LARGE2: variants seen among roughly 807,000 people sequenced by gnomAD.
LARGE2 encodes the protein xylosyl- and glucuronyltransferase LARGE2.
LARGE2 carries 63 observed loss-of-function variants against 75.3 expected under a neutral mutation model. The ratio of observed to expected loss-of-function variants is 0.84; its 90% confidence interval spans 0.68 to 1.03. LARGE2 has a LOEUF of 1.03. LARGE2 is among the 50% of genes least tolerant of loss of function. The probability of loss-of-function intolerance (pLI) is 0.00; values close to 1 mark genes in which losing one functional copy is unlikely to be tolerated. For missense variants in LARGE2, 925 were observed against 980.6 expected (o/e 0.94, Z 0.76); for synonymous variants, 428 against 420.1 (o/e 1.02, Z -0.23).
rs2087144337 is a variant in LARGE2, at chr11:45,926,334, C to T, written c.995C>T (p.Ala332Val). The T allele has an allele frequency of 1.9e-6, 3 of 1,614,144 alleles. No homozygotes were observed. The highest frequency in any genetic ancestry group is 2.2e-5 in the East Asian group (1 of 44,878). Residue 332 changes from alanine (A) to valine (V), a missense_variant, in exon 8 of 14, where the codon GCG becomes GTG. Ala to Val is a moderately conservative substitution (Grantham distance 64). Transcript: ENST00000401752. ...HTLAERCYSE[A>V]SDLKVIHWNS... Reference sequence around the variant, plus strand: ...CTGGCCGAGCGCTGCTACTCTGAGGCGTCTGACCTCAAGGTGAGTGGGACA... The same window carrying T: ...CTGGCCGAGCGCTGCTACTCTGAGGTGTCTGACCTCAAGGTGAGTGGGACA...
chr11:45,923,090 G>C lies in LARGE2; in HGVS notation c.208G>C (p.Gly70Arg). The C allele has an allele frequency of 7.1e-7, 1 of 1,407,522 alleles. No homozygotes were observed. The highest frequency in any genetic ancestry group is 1.5e-5 in the South Asian group (1 of 66,424). 87.2% of individuals were successfully genotyped at this position (1,407,522 alleles called of 1,614,324 possible). A position where few individuals can be genotyped will look rare whatever the true frequency, so the allele number is the denominator to read the frequency against. The change falls in exon 2 of 14, where the codon GGA becomes CGA. Residue 70 changes from glycine (G) to arginine (R), a missense_variant. Physicochemically the swap from Gly to Arg is moderately radical, Grantham distance 125. Around this residue, in one of 3 missense-constraint regions of LARGE2, gnomAD observed 453 missense variants for 460.2 expected, o/e 0.98. Transcript: ENST00000401752. ...GRLRRAAALD[G>R]DPGAGPGDHN... is the part of the protein sequence containing the mutation. ...GCTGCGGAGAGCCGCCGCCCTCGAC[G>C]GAGACCCGGGGGCCGGCCCCGGGGA...
In LARGE2 at chr11:45,928,382, G is replaced by T. The variant is rs761486476; in HGVS notation, c.1950+10G>T. 1 of 1,610,578 alleles carries T rather than the reference G, an allele frequency of 6.2e-7. No individual in the cohort carries two copies. The highest frequency in any genetic ancestry group is 1.1e-5 in the South Asian group (1 of 90,952). ...GGAGCTGGATGCCCAGGTGAGGAGG[G>T]CACCTTGCTGCCTCCACCTTTGACT... On this transcript the variant is annotated intron_variant, in intron 13 of 13. Transcript: ENST00000401752.
Position 45,924,780 on chromosome 11 carries a change from C to G in LARGE2, c.665-5C>G. 6.7e-7 allele frequency: 1 copy of G among 1,503,616 alleles called. No homozygotes were observed. The highest frequency in any genetic ancestry group is 8.9e-7 in the Non-Finnish European group (1 of 1,122,802). The allele number at this position is 1,503,616 out of a possible 1,614,324, so 93.1% of individuals were successfully genotyped here. A position where few individuals can be genotyped will look rare whatever the true frequency, so the allele number is the denominator to read the frequency against. ...AGACAGCTCCCTTATGCCCTCCCCT[C>G]CCAGACACGCAGGCGATCGGTCTTG... is the stretch of plus-strand genomic sequence containing the variant. On this transcript the variant is annotated splice_region_variant and splice_polypyrimidine_tract_variant and intron_variant, in intron 5 of 13. Coordinates refer to ENST00000401752, the MANE Select transcript of LARGE2 (RefSeq NM_001300721.2).
chr11:45,926,976 T>C, intron 10 of LARGE2, 105 bp downstream of exon 10: 1 of 1,207,226 alleles, frequency 8.3e-7, no homozygotes, highest in African/African-American at 1.5e-5. Flanking sequence ...GTGAGCTACC[T>C]GTCCCTCAGG....
rs1459425707 is a variant in LARGE2, at chr11:45,923,051, C to A, written c.169C>A (p.Pro57Thr). 2 of 1,414,214 alleles carry A rather than the reference C, an allele frequency of 1.4e-6. No homozygotes were observed. The highest frequency in any genetic ancestry group is 2.9e-5 in the Admixed American group (1 of 35,058). 87.6% of individuals were successfully genotyped at this position (1,414,214 alleles called of 1,614,324 possible). Reference protein sequence around the residue: ...CFPGPLMPRVPPDGRLRRAAA... With the variant: ...CFPGPLMPRVTPDGRLRRAAA... ...CCCCGGCCCGCTCATGCCACGTGTCCCCCCAGACGGGAGGCTGCGGAGAGC... is the reference window on the plus strand; with the variant it reads ...CCCCGGCCCGCTCATGCCACGTGTCACCCCAGACGGGAGGCTGCGGAGAGC... Residue 57 changes from proline to threonine, a missense_variant, in exon 2 of 14, where the codon CCC becomes ACC. Physicochemically the swap from Pro to Thr is conservative, Grantham distance 38. Around this residue, in one of 3 missense-constraint regions of LARGE2, gnomAD observed 453 missense variants for 460.2 expected, o/e 0.98. Transcript: ENST00000401752.
chr11:45,928,308 A>G lies in LARGE2; in HGVS notation c.1886A>G (p.Tyr629Cys). The G allele has an allele frequency of 1.9e-6, 3 of 1,614,168 alleles. No individual in the cohort carries two copies. Among genetic ancestry groups the G allele is most frequent in the Non-Finnish European group, 2.5e-6 (3 of 1,180,034 alleles). The change falls in exon 13 of 14, where the codon TAT (tyrosine) becomes TGT (cysteine). Residue 629 changes from tyrosine to cysteine, a missense_variant. By Grantham distance (194) the Tyr-to-Cys change is radical. This residue lies in a region of LARGE2 where 469 missense variants were observed against 503.8 expected (regional missense o/e 0.93). Coordinates refer to ENST00000401752, the MANE Select transcript of LARGE2 (RefSeq NM_001300721.2). ...YVVVPRDCPRYDPRFVGFGWN... is the reference protein window; with the variant it reads ...YVVVPRDCPRCDPRFVGFGWN... ...GTGGTGCCACGAGACTGTCCCCGCT[A>G]TGATCCTCGCTTTGTGGGCTTCGGC...
In LARGE2 at chr11:45,923,026, C is replaced by CCCCGG. The variant is rs2086982585; in HGVS notation, c.149_153dup (p.Leu52AlafsTer67). On this transcript the variant is annotated frameshift_variant, in exon 2 of 14. Coordinates refer to ENST00000401752, the MANE Select transcript of LARGE2 (RefSeq NM_001300721.2). LOFTEE classifies it high-confidence loss of function. ...GGCGAGCGGGGGCCCCGGGATGCTT[C>CCCCGG]CCCGGCCCGCTCATGCCACGTGTCC... The CCCCGG allele has an allele frequency of 2.2e-6, 3 of 1,392,728 alleles. 1 individual carries two copies. In the Admixed American group the frequency reaches 9.6e-5, roughly 44 times the overall value. The allele number at this position is 1,392,728 out of a possible 1,614,324, so 86.3% of individuals were successfully genotyped here.
In LARGE2 at chr11:45,923,103, C is replaced by T. The variant is rs776105032; in HGVS notation, c.221C>T (p.Ala74Val). The T allele has an allele frequency of 5.7e-6, 8 of 1,398,294 alleles. No homozygotes were observed. In the African/African-American group the frequency reaches 9.1e-5, roughly 16 times the overall value. 86.6% of individuals were successfully genotyped at this position (1,398,294 alleles called of 1,614,324 possible). The change falls in exon 2 of 14, where the codon GCC becomes GTC. Residue 74 changes from alanine to valine, a missense_variant. Physicochemically the swap from Ala to Val is moderately conservative, Grantham distance 64. Around this residue, in one of 3 missense-constraint regions of LARGE2, gnomAD observed 453 missense variants for 460.2 expected, o/e 0.98. Coordinates refer to ENST00000401752, the MANE Select transcript of LARGE2 (RefSeq NM_001300721.2). ...GCCGCCCTCGACGGAGACCCGGGGG[C>T]CGGCCCCGGGGACCACAACCGCTCC... ...RAAALDGDPG[A>V]GPGDHNRSDC...
intron 6 of LARGE2, 71 bp from the exon 7 acceptor site, chr11:45,925,968 C>A (rs989577163): frequency 7.5e-7 from 1 of 1,325,894 alleles, no homozygotes; most frequent in African/African-American, 1.5e-5. Flanking sequence ...ACAAAGGACA[C>A]CTTCATGACC....
At position 45,922,973 on chromosome 11, in the gene LARGE2, C is replaced by A; in HGVS notation, c.91C>A (p.Leu31Met). The change falls in exon 2 of 14, where the codon CTG becomes ATG. Residue 31 changes from leucine (L) to methionine (M), a missense_variant. By Grantham distance (15) the Leu-to-Met change is conservative. This residue lies in a region of LARGE2 where 453 missense variants were observed against 460.2 expected (regional missense o/e 0.98). Transcript: ENST00000401752. ...CGGATTCCTCCTGTTCGGTGGGGAC[C>A]TGGGGTGTGAGCGCCGCGAGCCTGG... ...LLGFLLFGGD[L>M]GCERREPGGR... is the part of the protein sequence containing the mutation. 7.5e-7 allele frequency: 1 copy of A among 1,328,020 alleles called. No homozygotes were observed. The highest frequency in any genetic ancestry group is 4.0e-5 in the Admixed American group (1 of 25,056). The allele number at this position is 1,328,020 out of a possible 1,614,324, so 82.3% of individuals were successfully genotyped here.
Position 45,923,047 on chromosome 11 carries a change from T to G in LARGE2, c.165T>G (p.Arg55=), listed in dbSNP as rs979148380. Residue 55 remains arginine (R), a synonymous_variant, in exon 2 of 14, where the codon CGT becomes CGG. Transcript: ENST00000401752. The stretch of plus-strand genomic sequence containing the variant: ...GCTTCCCCGGCCCGCTCATGCCACG[T>G]GTCCCCCCAGACGGGAGGCTGCGGA... The part of the protein sequence containing the change: ...PGCFPGPLMP[R]VPPDGRLRRA... The G allele has an allele frequency of 8.5e-6, 12 of 1,414,908 alleles. No individual in the cohort carries two copies. The highest frequency in any genetic ancestry group is 3.0e-5 in the African/African-American group (2 of 66,636). The allele number at this position is 1,414,908 out of a possible 1,614,324, so 87.6% of individuals were successfully genotyped here.
At chr11:45,928,479 A>C in intron 13 of LARGE2, 107 bp downstream of exon 13, 1 of 1,530,982 alleles carries the variant, frequency 6.5e-7, no homozygotes, top group Middle Eastern at 1.9e-4. Flanking sequence ...CACTGTTAGA[A>C]ATGTCCCCCT....
rs576172696 is a variant in LARGE2 at position 45,927,999 on chromosome 11, C to T, written c.1684C>T (p.Arg562Cys). 23 of 1,613,978 alleles carry T rather than the reference C, an allele frequency of 1.4e-5. No homozygotes were observed. Among genetic ancestry groups the T allele is most frequent in the Admixed American group, 1.2e-4 (7 of 60,026 alleles). ...VVPAFETLRY[R>C]FSFPHSKVEL... ...GCCGGCATTCGAGACCCTGCGCTAC[C>T]GCTTCAGCTTCCCCCATTCCAAGGT... The change falls in exon 12 of 14, where the codon CGC becomes TGC. Residue 562 changes from arginine (R) to cysteine (C), a missense_variant. This residue lies in a region of LARGE2 where 469 missense variants were observed against 503.8 expected (regional missense o/e 0.93). Transcript: ENST00000401752.
chr11:45,921,885 T>G (rs147707585), upstream of LARGE2, among the ~76,000 whole-genome samples: 1,901 of 152,252 alleles, frequency 0.012, 24 homozygotes, highest in Non-Finnish European at 0.02. Context: ...GATTAAATCC[T>G]TAGCACAGGG....
Position 45,924,247 on chromosome 11 carries a change from T to C in LARGE2, c.462T>C (p.Arg154=). The C allele has an allele frequency of 6.2e-7, 1 of 1,613,582 alleles. No homozygotes were observed. Among genetic ancestry groups the C allele is most frequent in the Non-Finnish European group, 8.5e-7 (1 of 1,180,018 alleles). The part of the protein sequence containing the change: ...LFHTWMVPAV[R]VSFYHADQLK... ...ACACATGGATGGTGCCTGCTGTCCG[T>C]GTCAGCTTTTATCATGCCGACCAGC... The change falls in exon 4 of 14, where the codon CGT becomes CGC. Residue 154 remains arginine (R), a synonymous_variant. Transcript: ENST00000401752.
chr11:45,928,300 T>C lies in LARGE2; in HGVS notation c.1878T>C (p.Cys626=), dbSNP rs760263223. The part of the protein sequence containing the change: ...YEPYVVVPRD[C]PRYDPRFVGF... ...CCTACGTGGTGGTGCCACGAGACTG[T>C]CCCCGCTATGATCCTCGCTTTGTGG... The change falls in exon 13 of 14, where the codon TGT becomes TGC. Residue 626 remains cysteine (C), a synonymous_variant. Coordinates refer to ENST00000401752, the MANE Select transcript of LARGE2 (RefSeq NM_001300721.2). The C allele has an allele frequency of 1.5e-5, 25 of 1,613,992 alleles. No homozygotes were observed. In the East Asian group the frequency reaches 3.8e-4, roughly 24 times the overall value.
At position 45,928,169 on chromosome 11, in the gene LARGE2, C is replaced by A. The variant is rs371235728; in HGVS notation, c.1755-8C>A. On this transcript the variant is annotated splice_polypyrimidine_tract_variant and splice_region_variant and intron_variant, in intron 12 of 13. Coordinates refer to ENST00000401752, the MANE Select transcript of LARGE2 (RefSeq NM_001300721.2). ...TCAGCCTGGCTCCCACCCGACCCTG[C>A]TGCACAGGTACCACGAGTGGCCCCG... 1.9e-6 allele frequency: 3 copies of A among 1,613,352 alleles called. No homozygotes were observed. Among genetic ancestry groups the A allele is most frequent in the Non-Finnish European group, 2.5e-6 (3 of 1,179,986 alleles).
At chr11:45,927,753 G>C in intron 11 of LARGE2, 160 bp downstream of exon 11, 2 of 1,410,778 alleles carry the variant, frequency 1.4e-6, no homozygotes, top group South Asian at 2.4e-5. Flanking sequence ...CAACAGGGAG[G>C]CCAGGGCCGG....
Position 45,926,576 on chromosome 11 carries a change from G to GC in LARGE2, c.1148dup (p.Pro384ThrfsTer4), listed in dbSNP as rs1565094449. ...GAGAGCTCTTTGTGTGCCCCAGCCA[G>GC]CCCCCACCTGGTGCTGAGCAGGTGA... On this transcript the variant is annotated frameshift_variant, in exon 9 of 14. Transcript: ENST00000401752. LOFTEE classifies it high-confidence loss of function. 3.7e-6 allele frequency: 6 copies of GC among 1,614,048 alleles called. No individual in the cohort carries two copies. The South Asian group carries it at 5.5e-5, about 15-fold the overall frequency.
Sources: gnomAD v4.1 joint callset for allele counts (sites outside exome capture counted in the v4.1 genomes callset) on GRCh38, gnomAD v4.1.1 for gene constraint, gnomAD v4.1.1 regional missense constraint, MANE v1.5 for transcripts, NCBI Gene and HGNC (gene_info 2026-07-23, HGNC 2026-07-21) for gene names.